LCE2A: variants seen among roughly 807,000 people sequenced by gnomAD.
LCE2A encodes late cornified envelope 2A.
For missense variants in LCE2A, 147 were observed against 137.6 expected, an observed-to-expected ratio of 1.07 and a Z score of -0.34; for synonymous variants, 65 against 52.5, an observed-to-expected ratio of 1.24 and a Z score of -1.03.
chr1:152,699,292 C>A lies in LCE2A; in HGVS notation c.*70C>A, dbSNP rs1331418509. 3.3e-6 allele frequency: 5 copies of A among 1,517,562 alleles called. No individual in the cohort carries two copies. Among genetic ancestry groups the A allele is most frequent in the Non-Finnish European group, 4.4e-6 (5 of 1,127,196 alleles). 94.0% of individuals were successfully genotyped at this position (1,517,562 alleles called of 1,614,324 possible). On this transcript the variant is annotated 3_prime_UTR_variant, in exon 2 of 2. Coordinates refer to ENST00000368779, the MANE Select transcript of LCE2A (RefSeq NM_178428.4). ...AACCAGGACCTGTCCCAGAGTGATG[C>A]TTCTCCTGCCCCTTTTTCTCCTTTC...
intron 1 of LCE2A, 108 bp from the exon 2 acceptor site, chr1:152,698,772 TAC>T: frequency 1.1e-6 from 1 of 873,782 alleles, no homozygotes; most frequent in African/African-American, 1.7e-5. Context: ...TGTATATATA[TAC>T]ACACACTGAG....
chr1:152,699,433 T>G lies in LCE2A; in HGVS notation c.*211T>G. 1 of 634,780 alleles carries G rather than the reference T, an allele frequency of 1.6e-6. No homozygotes were observed. The highest frequency in any genetic ancestry group is 2.3e-5 in the South Asian group (1 of 43,312). The allele number at this position is 634,780 out of a possible 1,614,324, so 39.3% of individuals were successfully genotyped here. ...CATACAACAATAAAGCTCTTTTGCC[T>G]CTTCGTGAAGTACCCTGGCCATTGT... On this transcript the variant is annotated 3_prime_UTR_variant, in exon 2 of 2. Transcript: ENST00000368779.
Position 152,699,088 on chromosome 1 carries a change from G to C in LCE2A, c.187G>C (p.Gly63Arg). 6.2e-7 allele frequency: 1 copy of C among 1,613,976 alleles called. No homozygotes were observed. Among genetic ancestry groups the C allele is most frequent in the South Asian group, 1.1e-5 (1 of 91,058 alleles). Residue 63 changes from glycine (G) to arginine (R), a missense_variant, in exon 2 of 2, where the codon GGG becomes CGG. Transcript: ENST00000368779. Reference sequence around the variant, plus strand: ...CAGCTCTGGGGGCTGCTGCAGCTCTGGGGGTGGCGGCTGCTGCCTGAGCCA... The same window carrying C: ...CAGCTCTGGGGGCTGCTGCAGCTCTCGGGGTGGCGGCTGCTGCCTGAGCCA... ...GSSSGGCCSSGGGGCCLSHHR... is the reference protein window; with the variant it reads ...GSSSGGCCSSRGGGCCLSHHR...
chr1:152,699,212 A>G lies in LCE2A; in HGVS notation c.311A>G (p.Asp104Gly), dbSNP rs140675349. 83 of 1,612,766 alleles carry G rather than the reference A, an allele frequency of 5.1e-5. No homozygotes were observed. The African/African-American group carries it at 8.8e-4, about 17-fold the overall frequency. Residue 104 changes from aspartate (D) to glycine (G), a missense_variant, in exon 2 of 2, where the codon GAC becomes GGC. Physicochemically the swap from Asp to Gly is moderately conservative, Grantham distance 94 (BLOSUM62 -1). Coordinates refer to ENST00000368779, the MANE Select transcript of LCE2A (RefSeq NM_178428.4). ...TCTGGCTGCTGCCACAGCTCTGGGGACTGCTGCTGACCAGACCTCGAACAT... is the reference window on the plus strand; with the variant it reads ...TCTGGCTGCTGCCACAGCTCTGGGGGCTGCTGCTGACCAGACCTCGAACAT... Reference protein sequence around the residue: ...GGSGCCHSSGDCC With the variant: ...GGSGCCHSSGGCC
intron 1 of LCE2A, among the ~76,000 whole-genome samples, chr1:152,698,619 C>T (rs561632762): frequency 6.6e-6 from 1 of 152,228 alleles, no homozygotes; most frequent in East Asian, 1.9e-4. Flanking sequence ...GGTATGAATA[C>T]TTTATTCAAG....
chr1:152,698,617 T>C (rs1649494411), intron 1 of LCE2A, among the ~76,000 whole-genome samples: 1 of 152,240 alleles, frequency 6.6e-6, no homozygotes, highest in Admixed American at 6.5e-5. Flanking sequence ...TGGGTATGAA[T>C]ACTTTATTCA....
At chr1:152,698,754 T>C in intron 1 of LCE2A, 128 bp from the exon 2 acceptor site, 1 of 708,058 alleles carries the variant, frequency 1.4e-6, no homozygotes, top group Admixed American at 2.8e-5. Flanking sequence ...GATATATATG[T>C]GTGTATGTGT....
chr1:152,698,999 C>T lies in LCE2A; in HGVS notation c.98C>T (p.Pro33Leu), dbSNP rs376709184. The T allele has an allele frequency of 3.3e-5, 54 of 1,614,080 alleles. No homozygotes were observed. The highest frequency in any genetic ancestry group is 8.3e-5 in the Admixed American group (5 of 60,012). The change falls in exon 2 of 2, where the codon CCA (proline) becomes CTA (leucine). Residue 33 changes from proline to leucine, a missense_variant. Transcript: ENST00000368779. ...KCPPKCRPQC[P>L]APCPPPVSSC... ...CCTCCAAAGTGCCGACCTCAGTGCCCAGCCCCATGCCCACCTCCAGTCTCT... is the reference window on the plus strand; with the variant it reads ...CCTCCAAAGTGCCGACCTCAGTGCCTAGCCCCATGCCCACCTCCAGTCTCT...
rs140656431 is a variant in LCE2A at position 152,698,901 on chromosome 1, G to A, written c.-1G>A. The A allele has an allele frequency of 6.2e-7, 1 of 1,614,042 alleles. No individual in the cohort carries two copies. The highest frequency in any genetic ancestry group is 8.5e-7 in the Non-Finnish European group (1 of 1,180,026). The stretch of plus-strand genomic sequence containing the variant: ...TTTCAGGTTGAAAAAGTCGCACTGA[G>A]ATGTCCTGCCAGCAAAACCAGCAGC... On this transcript the variant is annotated 5_prime_UTR_variant, in exon 2 of 2. Transcript: ENST00000368779.
At position 152,699,154 on chromosome 1, in the gene LCE2A, C is replaced by G; in HGVS notation, c.253C>G (p.Pro85Ala). ...RLFHRHRHQSPDCCECEPSGG... is the reference protein window; with the variant it reads ...RLFHRHRHQSADCCECEPSGG... ...CTTCCACCGGCACCGGCACCAGAGC[C>G]CCGATTGTTGTGAGTGTGAACCTTC... Residue 85 changes from proline (P) to alanine (A), a missense_variant, in exon 2 of 2, where the codon CCC (proline) becomes GCC (alanine). Pro to Ala is a conservative substitution (Grantham distance 27). Coordinates refer to ENST00000368779, the MANE Select transcript of LCE2A (RefSeq NM_178428.4). 1 of 1,614,006 alleles carries G rather than the reference C, an allele frequency of 6.2e-7. No individual in the cohort carries two copies. The highest frequency in any genetic ancestry group is 2.2e-5 in the East Asian group (1 of 44,864).
In LCE2A at chr1:152,699,007, T is replaced by G; in HGVS notation, c.106T>G (p.Cys36Gly). The change falls in exon 2 of 2, where the codon TGC becomes GGC. Residue 36 changes from cysteine (C) to glycine (G), a missense_variant. Physicochemically the swap from Cys to Gly is radical, Grantham distance 159 (BLOSUM62 -3). Coordinates refer to ENST00000368779, the MANE Select transcript of LCE2A (RefSeq NM_178428.4). ...GTGCCGACCTCAGTGCCCAGCCCCA[T>G]GCCCACCTCCAGTCTCTTCCTGCTG... ...PKCRPQCPAP[C>G]PPPVSSCCGP... 1 of 1,614,090 alleles carries G rather than the reference T, an allele frequency of 6.2e-7. No homozygotes were observed.
chr1:152,698,774 C>A, intron 1 of LCE2A, 108 bp from the exon 2 acceptor site: 1 of 888,260 alleles, frequency 1.1e-6, no homozygotes, highest in Non-Finnish European at 1.8e-6. Flanking sequence ...TATATATATA[C>A]ACACACTGAG....
rs756869440 is a variant in LCE2A at position 152,699,010 on chromosome 1, C to T, written c.109C>T (p.Pro37Ser). ...KCRPQCPAPC[P>S]PPVSSCCGPS... ...CCGACCTCAGTGCCCAGCCCCATGCCCACCTCCAGTCTCTTCCTGCTGTGG... is the reference window on the plus strand; with the variant it reads ...CCGACCTCAGTGCCCAGCCCCATGCTCACCTCCAGTCTCTTCCTGCTGTGG... The change falls in exon 2 of 2, where the codon CCA becomes TCA. Residue 37 changes from proline (P) to serine (S), a missense_variant. Physicochemically the swap from Pro to Ser is moderately conservative, Grantham distance 74 (BLOSUM62 -1). Coordinates refer to ENST00000368779, the MANE Select transcript of LCE2A (RefSeq NM_178428.4). 2.5e-6 allele frequency: 4 copies of T among 1,614,164 alleles called. No individual in the cohort carries two copies. Among genetic ancestry groups the T allele is most frequent in the Non-Finnish European group, 3.4e-6 (4 of 1,180,034 alleles).
chr1:152,699,284 GA>G lies in LCE2A; in HGVS notation c.*63del. Reference sequence around the variant, plus strand: ...AAACTTGCAACCAGGACCTGTCCCAGAGTGATGCTTCTCCTGCCCCTTTTTC... The same window carrying G: ...AAACTTGCAACCAGGACCTGTCCCAGGTGATGCTTCTCCTGCCCCTTTTTC... On this transcript the variant is annotated 3_prime_UTR_variant, in exon 2 of 2. Coordinates refer to ENST00000368779, the MANE Select transcript of LCE2A (RefSeq NM_178428.4). The G allele has an allele frequency of 6.5e-7, 1 of 1,536,820 alleles. No homozygotes were observed. The highest frequency in any genetic ancestry group is 8.8e-7 in the Non-Finnish European group (1 of 1,140,384).
rs371565593 is a variant in LCE2A, at chr1:152,698,987, G to T, written c.86G>T (p.Arg29Leu). ...KCPPKCPPKC[R>L]PQCPAPCPPP... ...CCACCCAAGTGTCCTCCAAAGTGCC[G>T]ACCTCAGTGCCCAGCCCCATGCCCA... The change falls in exon 2 of 2, where the codon CGA becomes CTA. Residue 29 changes from arginine to leucine, a missense_variant. Physicochemically the swap from Arg to Leu is moderately radical, Grantham distance 102. Coordinates refer to ENST00000368779, the MANE Select transcript of LCE2A (RefSeq NM_178428.4). The T allele has an allele frequency of 4.3e-6, 7 of 1,613,834 alleles. No homozygotes were observed. The highest frequency in any genetic ancestry group is 5.9e-6 in the Non-Finnish European group (7 of 1,179,994).
At position 152,699,252 on chromosome 1, in the gene LCE2A, T is replaced by C; in HGVS notation, c.*30T>C. ...ACCTCGAACATCACAGAGCAACCCTTATGGAGAAACTTGCAACCAGGACCT... is the reference window on the plus strand; with the variant it reads ...ACCTCGAACATCACAGAGCAACCCTCATGGAGAAACTTGCAACCAGGACCT... On this transcript the variant is annotated 3_prime_UTR_variant, in exon 2 of 2. Coordinates refer to ENST00000368779, the MANE Select transcript of LCE2A (RefSeq NM_178428.4). The C allele has an allele frequency of 6.3e-7, 1 of 1,587,562 alleles. No homozygotes were observed. The highest frequency in any genetic ancestry group is 8.6e-7 in the Non-Finnish European group (1 of 1,165,892).
At position 152,699,171 on chromosome 1, in the gene LCE2A, T is replaced by C; in HGVS notation, c.270T>C (p.Cys90=). 6.2e-7 allele frequency: 1 copy of C among 1,613,946 alleles called. No individual in the cohort carries two copies. The highest frequency in any genetic ancestry group is 1.1e-5 in the South Asian group (1 of 91,046). Residue 90 remains cysteine (C), a synonymous_variant, in exon 2 of 2, where the codon TGT becomes TGC. Transcript: ENST00000368779. The part of the protein sequence containing the change: ...HRHQSPDCCE[C]EPSGGSGCCH... ...ACCAGAGCCCCGATTGTTGTGAGTGTGAACCTTCTGGGGGCTCTGGCTGCT... is the reference window on the plus strand; with the variant it reads ...ACCAGAGCCCCGATTGTTGTGAGTGCGAACCTTCTGGGGGCTCTGGCTGCT...
In LCE2A at chr1:152,699,058, G is replaced by T. The variant is rs763307251; in HGVS notation, c.157G>T (p.Gly53Cys). ...TGGTCCCAGCTCTGGGGGCTGCTGC[G>T]GCTCCAGCTCTGGGGGCTGCTGCAG... The part of the protein sequence containing the change: ...CCGPSSGGCC[G>C]SSSGGCCSSG... Residue 53 changes from glycine to cysteine, a missense_variant, in exon 2 of 2, where the codon GGC becomes TGC. Coordinates refer to ENST00000368779, the MANE Select transcript of LCE2A (RefSeq NM_178428.4). 1 of 1,612,218 alleles carries T rather than the reference G, an allele frequency of 6.2e-7. No homozygotes were observed. The highest frequency in any genetic ancestry group is 1.3e-5 in the African/African-American group (1 of 74,736).
At position 152,698,950 on chromosome 1, in the gene LCE2A, C is replaced by T; in HGVS notation, c.49C>T (p.Pro17Ser). Residue 17 changes from proline (P) to serine (S), a missense_variant, in exon 2 of 2, where the codon CCC becomes TCC. Physicochemically the swap from Pro to Ser is moderately conservative, Grantham distance 74. Transcript: ENST00000368779. ...GCAGTGCCAGCCCCCTCCCAAGTGC[C>T]CCCCAAAATGCCCACCCAAGTGTCC... ...QQQCQPPPKC[P>S]PKCPPKCPPK... The T allele has an allele frequency of 6.2e-7, 1 of 1,614,126 alleles. No individual in the cohort carries two copies. The highest frequency in any genetic ancestry group is 8.5e-7 in the Non-Finnish European group (1 of 1,180,018).
Sources: allele counts gnomAD v4.1 joint callset (sites outside exome capture counted in the v4.1 genomes callset), GRCh38; gene constraint gnomAD v4.1.1; transcripts MANE v1.5; gene names NCBI Gene and HGNC (gene_info 2026-07-23, HGNC 2026-07-21).